The following ROR2 variants were observed in gnomAD, a reference collection of about 807,000 sequenced individuals.
ROR2 encodes tyrosine-protein kinase transmembrane receptor ROR2.
Under a neutral mutation model 74.9 loss-of-function variants are expected in ROR2, and 33 were observed. The ratio of observed to expected loss-of-function variants is 0.44; its 90% CI spans 0.33 to 0.59. The LOEUF is 0.59. Ranked by LOEUF, ROR2 falls within the 20% of genes least tolerant of loss-of-function variation. ROR2 has a pLI of 0.02. For missense variants in ROR2, 1,216 were observed against 1,313.8 expected (o/e 0.93, Z 1.15); for synonymous variants, 586 against 558.7 (o/e 1.05, Z -0.69).
At chr9:91,890,287 A>C (rs1015148016) in intron 1 of ROR2, among the ~76,000 whole-genome samples, 1 of 152,176 alleles carries the variant, frequency 6.6e-6, no homozygotes, top group Non-Finnish European at 1.5e-5. Context: ...TGTCGGCCTC[A>C]AGCAGGGAAA....
intron 1 of ROR2, among the ~76,000 whole-genome samples, chr9:91,806,457 G>C (rs1433298148): frequency 1.3e-5 from 2 of 152,176 alleles, no homozygotes; most frequent in Non-Finnish European, 1.5e-5. Flanking sequence ...CATCACCTTG[G>C]GGGTGAGGAT....
intron 4 of ROR2, among the ~76,000 whole-genome samples, chr9:91,744,102 C>CA (rs1825330028): frequency 1.3e-5 from 2 of 151,624 alleles, no homozygotes; most frequent in Admixed American, 1.3e-4. Context: ...AACAAAATGT[C>CA]AACAGCACAA....
chr9:91,871,671 G>C (rs1428142809), intron 1 of ROR2, among the ~76,000 whole-genome samples: 11 of 152,180 alleles, frequency 7.2e-5, no homozygotes. Context: ...AGAATGCAAA[G>C]AAAGTGGCCT....
chr9:91,868,408 T>G (rs1345458167), intron 1 of ROR2, among the ~76,000 whole-genome samples: 1 of 151,460 alleles, frequency 6.6e-6, no homozygotes, highest in Non-Finnish European at 1.5e-5. Flanking sequence ...AAAAAAAGAG[T>G]GACGAAGTGA....
At chr9:91,857,610 A>G (rs937367454) in intron 1 of ROR2, among the ~76,000 whole-genome samples, 3 of 152,190 alleles carry the variant, frequency 2.0e-5, no homozygotes, top group African/African-American at 7.2e-5. Context: ...GATGTTACAC[A>G]CCGGCTGCTA....
At chr9:91,725,399 C>A (rs986465337) in intron 8 of ROR2, among the ~76,000 whole-genome samples, 3 of 152,174 alleles carry the variant, frequency 2.0e-5, no homozygotes, top group African/African-American at 7.2e-5. Flanking sequence ...GACTTCCTTC[C>A]CACTTGTGCA....
intron 4 of ROR2, among the ~76,000 whole-genome samples, chr9:91,754,874 A>T (rs1241014494): frequency 6.6e-6 from 1 of 152,192 alleles, no homozygotes; most frequent in East Asian, 1.9e-4. Flanking sequence ...CCTCTAGGTC[A>T]GGTGTGGTGG....
chr9:91,800,924 G>A (rs552134259), intron 1 of ROR2, among the ~76,000 whole-genome samples: 1 of 152,286 alleles, frequency 6.6e-6, no homozygotes, highest in African/African-American at 2.4e-5. Flanking sequence ...AGTGGATGAG[G>A]AGAAAAGGCC....
chr9:91,747,946 G>C (rs1325143558), intron 4 of ROR2, among the ~76,000 whole-genome samples: 4 of 152,102 alleles, frequency 2.6e-5, no homozygotes, highest in Non-Finnish European at 4.4e-5. Flanking sequence ...GGGAGATGTT[G>C]GTCAAAGGAT....
chr9:91,852,344 A>G (rs10992132), intron 1 of ROR2, among the ~76,000 whole-genome samples: 40,704 of 152,098 alleles, frequency 0.27, 5,817 homozygotes, highest in Admixed American at 0.43. Flanking sequence ...TAGCTTCCCC[A>G]CTTGGAGAAA....
intron 1 of ROR2, among the ~76,000 whole-genome samples, chr9:91,861,581 CCTCA>C (rs1178265340): frequency 1.3e-5 from 2 of 152,184 alleles, no homozygotes; most frequent in Non-Finnish European, 2.9e-5. Flanking sequence ...TGGAGCCCTT[CCTCA>C]CTAAGTACAC....
chr9:91,908,622 T>C (rs1830876591), intron 1 of ROR2, among the ~76,000 whole-genome samples: 1 of 152,122 alleles, frequency 6.6e-6, no homozygotes, highest in Non-Finnish European at 1.5e-5. Flanking sequence ...AAATAAACAA[T>C]ATCAGTCTCA....
Position 91,823,755 on chromosome 9 carries a change from G to A in ROR2, c.98-47937C>T, listed in dbSNP as rs112761134. ...TTGAAAACTCTCATAATGAAAAGACGGGAAGGAATAAGGAGGCCCACATTC... is the reference window on the plus strand; with the variant it reads ...TTGAAAACTCTCATAATGAAAAGACAGGAAGGAATAAGGAGGCCCACATTC... On this transcript the variant is annotated intron_variant, in intron 1 of 8. Coordinates refer to ENST00000375708, the MANE Select transcript of ROR2 (RefSeq NM_004560.4). Among the ~76,000 whole-genome samples, 461 of 152,300 alleles carry A rather than the reference G, an allele frequency of 3.0e-3. 4 individuals are homozygous for A. Among genetic ancestry groups the A allele is most frequent in the African/African-American group, 9.9e-3 (410 of 41,556 alleles).
intron 1 of ROR2, among the ~76,000 whole-genome samples, chr9:91,818,250 G>C (rs11787772): frequency 6.6e-6 from 1 of 152,218 alleles, no homozygotes; most frequent in Non-Finnish European, 1.5e-5. Flanking sequence ...CTGCAAATTA[G>C]TAACTTCTAA....
intron 1 of ROR2, among the ~76,000 whole-genome samples, chr9:91,872,093 C>T (rs1188563602): frequency 6.6e-6 from 1 of 152,150 alleles, no homozygotes; most frequent in Non-Finnish European, 1.5e-5. Flanking sequence ...ATAACAAAAA[C>T]AGATCTGTGG....
At chr9:91,751,208 G>T (rs1825588467) in intron 4 of ROR2, among the ~76,000 whole-genome samples, 1 of 152,074 alleles carries the variant, frequency 6.6e-6, no homozygotes, top group African/African-American at 2.4e-5. Context: ...CCTTCACTCG[G>T]CAGTCAATGC....
intron 1 of ROR2, among the ~76,000 whole-genome samples, chr9:91,833,644 C>G (rs1828533150): frequency 6.6e-6 from 1 of 152,172 alleles, no homozygotes; most frequent in Non-Finnish European, 1.5e-5. Context: ...CCCTGCAGAC[C>G]TGCATGCCCG....
In ROR2 at chr9:91,806,209, A is replaced by G. The variant is rs553505997; in HGVS notation, c.98-30391T>C. 3.9e-5 allele frequency among the ~76,000 whole-genome samples: 6 copies of G among 152,304 alleles called. 1 individual carries two copies. In the South Asian group the frequency reaches 1.2e-3, roughly 32 times the overall value. ...CCATAGACCAGGCAGCTTATAGGCA[A>G]CAGAGATCCGTTTTCAGTGCTGGAG... On this transcript the variant is annotated intron_variant, in intron 1 of 8. Transcript: ENST00000375708.
chr9:91,922,247 CAA>C (rs892660460), intron 1 of ROR2, among the ~76,000 whole-genome samples: 2 of 142,192 alleles, frequency 1.4e-5, no homozygotes, highest in African/African-American at 2.6e-5. Context: ...GGCAGTTCCC[CAA>C]AAAAAAAAAC....
Sources: gnomAD v4.1 joint callset for allele counts (sites outside exome capture counted in the v4.1 genomes callset) on GRCh38, gnomAD v4.1.1 for gene constraint, MANE v1.5 for transcripts, NCBI Gene and HGNC (gene_info 2026-07-23, HGNC 2026-07-21) for gene names.